Variants in CBLIF observed in about 807,000 individuals in gnomAD.
The protein encoded by CBLIF is gastric intrinsic factor (vitamin B synthesis).
Under a neutral mutation model 44.9 loss-of-function variants are expected in CBLIF, and 24 were observed. The observed-to-expected ratio is 0.53, with a 90% CI of 0.39 to 0.75. The LOEUF (loss-of-function observed/expected upper bound fraction) is 0.75. Ranked by LOEUF, CBLIF falls within the 30% of genes least tolerant of loss-of-function variation. The pLI is 0.00. For synonymous variants in CBLIF, 183 were observed against 190.9 expected, an observed-to-expected ratio of 0.96 and a Z score of 0.34; for missense variants, 481 against 513.0, an observed-to-expected ratio of 0.94 and a Z score of 0.60.
At chr11:59,842,319 G>A (rs1302755711) in intron 4 of CBLIF, 124 bp downstream of exon 4, 1 of 1,039,250 alleles carries the variant, frequency 9.6e-7, no homozygotes, top group Non-Finnish European at 1.5e-6. Flanking sequence ...CCATCCACAG[G>A]CACGTTCACA....
intron 4 of CBLIF, 121 bp downstream of exon 4, chr11:59,842,322 C>T (rs867538796): frequency 1.8e-6 from 2 of 1,095,490 alleles, no homozygotes; most frequent in Non-Finnish European, 2.8e-6. Context: ...TCCACAGGCA[C>T]GTTCACATCC....
chr11:59,835,163 G>A (rs1195424932), intron 7 of CBLIF, among the ~76,000 whole-genome samples: 1 of 107,196 alleles, frequency 9.3e-6, no homozygotes. Flanking sequence ...TTTTTTTTTT[G>A]AGATGAAGTT....
At position 59,829,517 on chromosome 11, in the gene CBLIF, G is replaced by C. The variant is rs148989677; in HGVS notation, c.1221C>G (p.His407Gln). ...EGVADYIPFN[H>Q]EHITANFTQY ...GTGTGAAATTGGCTGTGATGTGCTCGTGGTTGAAGGGTATGTAGTCAGCAA... is the reference window on the plus strand; with the variant it reads ...GTGTGAAATTGGCTGTGATGTGCTCCTGGTTGAAGGGTATGTAGTCAGCAA... Residue 407 changes from histidine (H) to glutamine (Q), a missense_variant, in exon 9 of 9, where the codon CAC (histidine) becomes CAG (glutamine). By Grantham distance (24) the His-to-Gln change is conservative. Transcript: ENST00000257248. The C allele has an allele frequency of 3.2e-5, 52 of 1,611,246 alleles. No individual in the cohort carries two copies. The Admixed American group carries it at 6.2e-4, about 19-fold the overall frequency.
chr11:59,829,611 G>A, intron 8 of CBLIF, 66 bp from the exon 9 acceptor site: 1 of 940,928 alleles, frequency 1.1e-6, no homozygotes, highest in South Asian at 1.3e-5. Context: ...TCCCCCAAGG[G>A]ATGCAGTGAG....
chr11:59,840,633 G>A (rs1866512088), intron 5 of CBLIF, among the ~76,000 whole-genome samples: 1 of 152,026 alleles, frequency 6.6e-6, no homozygotes, highest in African/African-American at 2.4e-5. Flanking sequence ...CATTTACTAT[G>A]GGTTTTTGTG....
Position 59,841,106 on chromosome 11 carries a change from G to T in CBLIF, c.693+37C>A, listed in dbSNP as rs200734673. On this transcript the variant is annotated intron_variant, in intron 5 of 8. Coordinates refer to ENST00000257248, the MANE Select transcript of CBLIF (RefSeq NM_005142.3). ...TTGATTCTGCAATCCAGGCTTATTG[G>T]CAGGAACCCAACCAAGAGCATCCAG... is the stretch of plus-strand genomic sequence containing the variant. 3,509 of 1,509,926 alleles carry T rather than the reference G, an allele frequency of 2.3e-3. 7 individuals carry two copies. The highest frequency in any genetic ancestry group is 2.8e-3 in the Non-Finnish European group (3,066 of 1,084,952). 93.5% of individuals were successfully genotyped at this position (1,509,926 alleles called of 1,614,324 possible). A position where few individuals can be genotyped will look rare whatever the true frequency, so the allele number is the denominator to read the frequency against.
At chr11:59,843,605 T>G (rs1341450423) in intron 2 of CBLIF, among the ~76,000 whole-genome samples, 2 of 152,192 alleles carry the variant, frequency 1.3e-5, no homozygotes, top group Non-Finnish European at 2.9e-5. Flanking sequence ...TTGTCTCAGA[T>G]CCCAGAGTTA....
chr11:59,844,080 C>T (rs1287305328), intron 1 of CBLIF, 25 bp from the exon 2 acceptor site: 4 of 1,565,958 alleles, frequency 2.6e-6, no homozygotes, highest in Middle Eastern at 3.4e-4. Flanking sequence ...GCCATTTACT[C>T]ACCTTCTAAC....
chr11:59,829,624 A>T (rs1014432538), intron 8 of CBLIF, 79 bp from the exon 9 acceptor site: 1 of 838,370 alleles, frequency 1.2e-6, no homozygotes, highest in African/African-American at 1.7e-5. Context: ...GCAGTGAGCT[A>T]GATGCAGTGA....
chr11:59,845,306 G>T, intron 1 of CBLIF, 69 bp downstream of exon 1: 1 of 1,605,068 alleles, frequency 6.2e-7, no homozygotes, highest in Non-Finnish European at 8.5e-7. Context: ...ACCACTCAGT[G>T]TCAGAGGTCA....
rs1257466616 is a variant in CBLIF, at chr11:59,842,491, C to T, written c.463G>A (p.Val155Ile). ...KNSEATLPIA[V>I]RFAKTLLANS... is the part of the protein sequence containing the mutation. ...GCCAGCAGGGTCTTGGCAAAGCGGACGGCTATCGGCAAGGTCGCCTCAGAG... is the reference window on the plus strand; with the variant it reads ...GCCAGCAGGGTCTTGGCAAAGCGGATGGCTATCGGCAAGGTCGCCTCAGAG... Residue 155 changes from valine (V) to isoleucine (I), a missense_variant, in exon 4 of 9, where the codon GTC becomes ATC. Coordinates refer to ENST00000257248, the MANE Select transcript of CBLIF (RefSeq NM_005142.3). 7.4e-6 allele frequency: 12 copies of T among 1,613,694 alleles called. No homozygotes were observed. Among genetic ancestry groups the T allele is most frequent in the Non-Finnish European group, 9.3e-6 (11 of 1,180,018 alleles).
intron 5 of CBLIF, among the ~76,000 whole-genome samples, chr11:59,840,139 G>C (rs1866505621): frequency 6.6e-6 from 1 of 151,202 alleles, no homozygotes; most frequent in Non-Finnish European, 1.5e-5. Flanking sequence ...TGTTTAACAT[G>C]AACCAATTCT....
In CBLIF at chr11:59,829,318, C is replaced by T. The variant is rs1866336579; in HGVS notation, c.*166G>A. The T allele has an allele frequency of 3.2e-6, 2 of 627,884 alleles. No individual in the cohort carries two copies. The highest frequency in any genetic ancestry group is 3.0e-5 in the East Asian group (1 of 33,782). The allele number at this position is 627,884 out of a possible 1,614,324, so 38.9% of individuals were successfully genotyped here. ...TTTTCATGAGTCATAGATGTTGAGA[C>T]TCCAGTGAACTTTGCATTTTTATTC... On this transcript the variant is annotated 3_prime_UTR_variant, in exon 9 of 9. Coordinates refer to ENST00000257248, the MANE Select transcript of CBLIF (RefSeq NM_005142.3).
chr11:59,841,535 T>C (rs755614414), intron 4 of CBLIF, among the ~76,000 whole-genome samples: 6 of 152,154 alleles, frequency 3.9e-5, no homozygotes, highest in Non-Finnish European at 7.3e-5. Flanking sequence ...AAATCTCCAT[T>C]TGAAAGTTGC....
intron 5 of CBLIF, among the ~76,000 whole-genome samples, chr11:59,838,698 C>A (rs191350664): frequency 1.7e-3 from 263 of 152,222 alleles, no homozygotes; most frequent in Admixed American, 8.0e-3. Flanking sequence ...GTCATATGCA[C>A]CTCCCAAATT....
intron 7 of CBLIF, among the ~76,000 whole-genome samples, chr11:59,832,540 C>G (rs1196853387): frequency 6.6e-6 from 1 of 152,090 alleles, no homozygotes; most frequent in African/African-American, 2.4e-5. Flanking sequence ...GCAATCCCAG[C>G]ACTTTGGGAG....
At chr11:59,835,423 C>G (rs1049129027) in intron 7 of CBLIF, among the ~76,000 whole-genome samples, 2 of 152,078 alleles carry the variant, frequency 1.3e-5, no homozygotes, top group African/African-American at 4.8e-5. Flanking sequence ...CGTGGGCCTC[C>G]CAAAGTGTTG....
At chr11:59,838,660 C>T (rs775916940) in intron 5 of CBLIF, among the ~76,000 whole-genome samples, 5 of 152,118 alleles carry the variant, frequency 3.3e-5, no homozygotes, top group Non-Finnish European at 7.3e-5. Context: ...CAGGTGGGTG[C>T]TCCTCAGCAA....
At chr11:59,843,248 T>C in intron 2 of CBLIF, 107 bp from the exon 3 acceptor site, 2 of 724,946 alleles carry the variant, frequency 2.8e-6, no homozygotes, top group South Asian at 2.9e-5. Flanking sequence ...TTTGACTTTT[T>C]AATAATATGA....
Sources: gnomAD v4.1 joint callset for allele counts (sites outside exome capture counted in the v4.1 genomes callset) on GRCh38, gnomAD v4.1.1 for gene constraint, MANE v1.5 for transcripts, NCBI Gene and HGNC (gene_info 2026-07-23, HGNC 2026-07-21) for gene names.